Variants in PPM1H observed in about 807,000 individuals in gnomAD.
PPM1H encodes the protein protein phosphatase 1H.
A neutral mutation model predicts 54.9 loss-of-function variants in PPM1H; 27 were observed. That is an observed-to-expected ratio of 0.49 (90% confidence interval 0.36 to 0.68). The LOEUF (loss-of-function observed/expected upper bound fraction) is 0.68, where lower values mean the gene tolerates loss of function less well. PPM1H is among the 30% of genes least tolerant of loss of function. The pLI is 0.00. For synonymous variants in PPM1H, 305 were observed against 270.8 expected, an observed-to-expected ratio of 1.13 and a Z score of -1.24; for missense variants, 596 against 667.8, an observed-to-expected ratio of 0.89 and a Z score of 1.19.
At chr12:62,717,152 A>G (rs903320366) in intron 6 of PPM1H, among the ~76,000 whole-genome samples, 4 of 152,130 alleles carry the variant, frequency 2.6e-5, no homozygotes, top group Non-Finnish European at 4.4e-5. Flanking sequence ...ACTGGTTTTC[A>G]ATTTCTTAGG....
At chr12:62,770,900 G>C (rs2120647343) in intron 4 of PPM1H, among the ~76,000 whole-genome samples, 1 of 152,176 alleles carries the variant, frequency 6.6e-6, no homozygotes, top group African/African-American at 2.4e-5. Flanking sequence ...AAGGGTCCAG[G>C]AGCCGGGTGG....
At chr12:62,915,972 G>T (rs1871609940) in intron 1 of PPM1H, among the ~76,000 whole-genome samples, 1 of 152,158 alleles carries the variant, frequency 6.6e-6, no homozygotes. Context: ...CGAACAGTCA[G>T]TCAGCTTTGC....
At chr12:62,651,195 C>T (rs1322899395) in intron 9 of PPM1H, among the ~76,000 whole-genome samples, 1 of 152,208 alleles carries the variant, frequency 6.6e-6, no homozygotes, top group East Asian at 1.9e-4. Flanking sequence ...AGTTCATAAG[C>T]TTGATGTTTG....
chr12:62,652,509 C>CAT (rs2075821953), intron 9 of PPM1H, among the ~76,000 whole-genome samples: 1 of 152,184 alleles, frequency 6.6e-6, no homozygotes, highest in Non-Finnish European at 1.5e-5. Flanking sequence ...ATTTTGCAGT[C>CAT]ATATATACAC....
intron 1 of PPM1H, among the ~76,000 whole-genome samples, chr12:62,878,626 T>TA (rs34587900): frequency 0.055 from 4,506 of 81,410 alleles, 501 homozygotes; most frequent in African/African-American, 0.083. Flanking sequence ...TGATTACGCT[T>TA]AAAAAAAAAA....
chr12:62,782,753 T>C (rs1197187287), intron 4 of PPM1H, among the ~76,000 whole-genome samples: 1 of 152,250 alleles, frequency 6.6e-6, no homozygotes, highest in Non-Finnish European at 1.5e-5. Flanking sequence ...TTTGTGGTAG[T>C]AATCATTTAT....
intron 1 of PPM1H, among the ~76,000 whole-genome samples, chr12:62,857,854 G>A (rs751479063): frequency 6.6e-6 from 1 of 152,014 alleles, no homozygotes; most frequent in African/African-American, 2.4e-5. Flanking sequence ...CTCATTTGAA[G>A]GCACAGTTAG....
intron 1 of PPM1H, among the ~76,000 whole-genome samples, chr12:62,851,058 C>G (rs1022588569): frequency 3.9e-5 from 6 of 152,052 alleles, no homozygotes; most frequent in Non-Finnish European, 8.8e-5. Flanking sequence ...TTAATGCTGT[C>G]TACTCAAAGG....
In PPM1H at chr12:62,802,010, G is replaced by A. The variant is rs911272972; in HGVS notation, c.562C>T (p.Pro188Ser). 5.0e-6 allele frequency: 8 copies of A among 1,613,386 alleles called. No individual in the cohort carries two copies. The highest frequency in any genetic ancestry group is 2.2e-5 in the East Asian group (1 of 44,862). The change falls in exon 3 of 10, where the codon CCC becomes TCC. Residue 188 changes from proline (P) to serine (S), a missense_variant. Coordinates refer to ENST00000228705, the MANE Select transcript of PPM1H (RefSeq NM_020700.2). The part of the protein sequence containing the change: ...VDILKNSAVL[P>S]PTCLGEEPEN... ...GGCTCCTCCCCCAGGCAGGTAGGGG[G>A]CAGGACGGCGGAGTTCTTCAGGATG...
At chr12:62,781,178 T>TA (rs1812022444) in intron 4 of PPM1H, among the ~76,000 whole-genome samples, 1 of 152,180 alleles carries the variant, frequency 6.6e-6, no homozygotes, top group South Asian at 2.1e-4. Context: ...GCCTCAGAAC[T>TA]ACCCAGCAGG....
intron 1 of PPM1H, among the ~76,000 whole-genome samples, chr12:62,883,372 A>G (rs576145977): frequency 1.2e-4 from 19 of 152,238 alleles, no homozygotes; most frequent in African/African-American, 4.6e-4. Context: ...TGAGTGGATC[A>G]ATGGACTCAG....
intron 5 of PPM1H, among the ~76,000 whole-genome samples, chr12:62,732,244 A>G (rs945900958): frequency 1.3e-5 from 2 of 152,210 alleles, no homozygotes; most frequent in African/African-American, 4.8e-5. Context: ...CTGAGAATCT[A>G]TGAAACAAAG....
At chr12:62,845,393 T>C (rs1868925689) in intron 1 of PPM1H, among the ~76,000 whole-genome samples, 1 of 152,250 alleles carries the variant, frequency 6.6e-6, no homozygotes. Context: ...TGCCTCCATC[T>C]GTAGTTAATA....
chr12:62,744,431 AC>A (rs1424763141), intron 4 of PPM1H, among the ~76,000 whole-genome samples: 1 of 149,806 alleles, frequency 6.7e-6, no homozygotes, highest in African/African-American at 2.5e-5. Flanking sequence ...AGGTTGCACC[AC>A]TGCACTCCAG....
chr12:62,816,691 G>A (rs950806275), intron 2 of PPM1H, among the ~76,000 whole-genome samples: 8 of 151,376 alleles, frequency 5.3e-5, no homozygotes, highest in African/African-American at 1.5e-4. Context: ...CACTAAAATC[G>A]GCGTCTGGTA....
intron 4 of PPM1H, among the ~76,000 whole-genome samples, chr12:62,759,917 T>G (rs2076498019): frequency 6.6e-6 from 1 of 152,064 alleles, no homozygotes; most frequent in Non-Finnish European, 1.5e-5. Flanking sequence ...TTCACTTTCC[T>G]GGGGGGCAAG....
At chr12:62,899,728 T>G (rs1265336915) in intron 1 of PPM1H, among the ~76,000 whole-genome samples, 1 of 152,194 alleles carries the variant, frequency 6.6e-6, no homozygotes, top group Admixed American at 6.5e-5. Context: ...ACAGCCTCAG[T>G]CCTCACTAGG....
chr12:62,666,297 A>G (rs150147325), intron 9 of PPM1H, among the ~76,000 whole-genome samples: 79 of 152,270 alleles, frequency 5.2e-4, no homozygotes, highest in South Asian at 1.9e-3. Flanking sequence ...TTACAGGTCC[A>G]ATTCTGATGC....
intron 5 of PPM1H, among the ~76,000 whole-genome samples, chr12:62,736,929 C>T (rs12309350): frequency 0.068 from 10,330 of 152,144 alleles, 1,179 homozygotes; most frequent in African/African-American, 0.24. Flanking sequence ...AAACTGAGCC[C>T]GCTCATAATT....
Sources: allele counts gnomAD v4.1 joint callset (sites outside exome capture counted in the v4.1 genomes callset), GRCh38; gene constraint gnomAD v4.1.1; transcripts MANE v1.5; gene names NCBI Gene and HGNC (gene_info 2026-07-23, HGNC 2026-07-21).